The following TCN2 variants were observed in gnomAD, a reference collection of about 807,000 sequenced individuals.
The protein encoded by TCN2 is transcobalamin-2.
Under a neutral mutation model 48.6 loss-of-function variants are expected in TCN2, and 34 were observed. The ratio of observed to expected loss-of-function variants is 0.70; its 90% CI spans 0.53 to 0.93. The LOEUF is 0.93. TCN2 is among the 40% of genes least tolerant of loss of function. The pLI is 0.00. For synonymous variants in TCN2, 283 were observed against 212.5 expected, an observed-to-expected ratio of 1.33 and a Z score of -2.89; for missense variants, 652 against 526.1, an observed-to-expected ratio of 1.24 and a Z score of -2.34.
intron 1 of TCN2, chr22:30,610,465 C>T (rs1347227300): frequency 1.6e-5 from 6 of 372,650 alleles, no homozygotes; most frequent in East Asian, 7.1e-5. Context: ...AGACATGACA[C>T]GACTTTGAAC....
At position 30,607,179 on chromosome 22, in the gene TCN2, C is replaced by A; in HGVS notation, c.-153C>A. On this transcript the variant is annotated 5_prime_UTR_variant, in exon 1 of 9. Transcript: ENST00000215838. Reference sequence around the variant, plus strand: ...TTCCCCCGCCCCACCCCTCTGCAGACTTAGCCGTGCATTGCAGGCATGGAG... The same window carrying A: ...TTCCCCCGCCCCACCCCTCTGCAGAATTAGCCGTGCATTGCAGGCATGGAG... 3 of 835,548 alleles carry A rather than the reference C, an allele frequency of 3.6e-6. No homozygotes were observed. Among genetic ancestry groups the A allele is most frequent in the Non-Finnish European group, 6.0e-6 (3 of 499,494 alleles). 51.8% of individuals were successfully genotyped at this position (835,548 alleles called of 1,614,324 possible). A position where few individuals can be genotyped will look rare whatever the true frequency, so the allele number is the denominator to read the frequency against.
rs1329011667 is a variant in TCN2, at chr22:30,626,778, T to A, written c.*257T>A. ...CCAGCCTGGCCCTGCAGGTCTCCCA[T>A]GAAGGCCACCCCATGGTCTGATGGG... On this transcript the variant is annotated 3_prime_UTR_variant, in exon 9 of 9. Transcript: ENST00000215838. 1 of 583,410 alleles carries A rather than the reference T, an allele frequency of 1.7e-6. No individual in the cohort carries two copies. The highest frequency in any genetic ancestry group is 2.9e-5 in the East Asian group (1 of 34,780). The allele number at this position is 583,410 out of a possible 1,614,324, so 36.1% of individuals were successfully genotyped here.
chr22:30,611,252 C>A (rs567736598), intron 2 of TCN2, 189 bp downstream of exon 2: 2 of 699,518 alleles, frequency 2.9e-6, no homozygotes, highest in Admixed American at 4.5e-5. Context: ...GATGCTAATG[C>A]AAGGCTCCTT....
intron 3 of TCN2, among the ~76,000 whole-genome samples, chr22:30,613,342 C>T (rs1471540308): frequency 1.3e-5 from 2 of 152,086 alleles, no homozygotes; most frequent in South Asian, 2.1e-4. Context: ...TACAATGGCG[C>T]AATCTCAGCT....
At position 30,617,312 on chromosome 22, in the gene TCN2, CCTTT is replaced by C; in HGVS notation, c.941-14_941-11del. On this transcript the variant is annotated splice_polypyrimidine_tract_variant and intron_variant, in intron 6 of 8. Transcript: ENST00000215838. ...TCTGTCCTCACACCAGCTGCCCGCC[CCTTT>C]CTTCCTGGCACAGTCATGTTGGAAC... The C allele has an allele frequency of 6.2e-7, 1 of 1,614,110 alleles. No individual in the cohort carries two copies. Among genetic ancestry groups the C allele is most frequent in the Non-Finnish European group, 8.5e-7 (1 of 1,180,002 alleles).
chr22:30,607,421 C>T (rs1602039358), intron 1 of TCN2, 26 bp downstream of exon 1: 1 of 1,613,534 alleles, frequency 6.2e-7, no homozygotes, highest in East Asian at 2.2e-5. Context: ...CTATCCTGTG[C>T]CTCTTTCCTC....
chr22:30,610,135 CA>C (rs1422878352), intron 1 of TCN2: 1 of 460,854 alleles, frequency 2.2e-6, no homozygotes, highest in African/African-American at 2.0e-5. Flanking sequence ...TTTCGTTGCA[CA>C]GCTTCGAATA....
chr22:30,623,089 T>A lies in TCN2; in HGVS notation c.1222+6T>A. On this transcript the variant is annotated splice_donor_region_variant and intron_variant, in intron 8 of 8. Coordinates refer to ENST00000215838, the MANE Select transcript of TCN2 (RefSeq NM_000355.4). ...CAACACCCCACTGTTGCAAGGTGAG[T>A]CATGGCCTGACACTCTGGATGTGTC... 2 of 1,613,234 alleles carry A rather than the reference T, an allele frequency of 1.2e-6. No homozygotes were observed. Among genetic ancestry groups the A allele is most frequent in the Non-Finnish European group, 1.7e-6 (2 of 1,179,734 alleles).
intron 1 of TCN2, among the ~76,000 whole-genome samples, chr22:30,610,033 C>T (rs561396402): frequency 2.6e-5 from 4 of 152,316 alleles, no homozygotes; most frequent in South Asian, 4.1e-4. Context: ...TGCAAGGTTA[C>T]CTCCGAGGCA....
At chr22:30,617,213 G>C in intron 6 of TCN2, 117 bp from the exon 7 acceptor site, 1 of 1,396,054 alleles carries the variant, frequency 7.2e-7, no homozygotes, top group East Asian at 2.4e-5. Context: ...TGGCATTGAT[G>C]GAGATGAGGA....
Position 30,611,751 on chromosome 22 carries a change from G to T in TCN2, c.257+688G>T, listed in dbSNP as rs1279479552. 2.6e-5 allele frequency among the ~76,000 whole-genome samples: 4 copies of T among 152,164 alleles called. No individual in the cohort carries two copies. In the East Asian group the frequency reaches 7.7e-4, roughly 29 times the overall value. On this transcript the variant is annotated intron_variant, in intron 2 of 8. Coordinates refer to ENST00000215838, the MANE Select transcript of TCN2 (RefSeq NM_000355.4). Reference sequence around the variant, plus strand: ...TTGAACTCCTGACCTCAGGTGATCCGCCTGTCTTGGCTTCCCAAAGTGTTG... The same window carrying T: ...TTGAACTCCTGACCTCAGGTGATCCTCCTGTCTTGGCTTCCCAAAGTGTTG...
chr22:30,615,559 T>A, intron 5 of TCN2, 42 bp from the exon 6 acceptor site: 1 of 1,613,958 alleles, frequency 6.2e-7, no homozygotes, highest in Non-Finnish European at 8.5e-7. Context: ...AGCCCCTCCC[T>A]GCCGGCTGAC....
In TCN2 at chr22:30,611,054, G is replaced by A. The variant is rs768090763; in HGVS notation, c.248G>A (p.Cys83Tyr). 4.3e-6 allele frequency: 7 copies of A among 1,613,982 alleles called. No homozygotes were observed. The East Asian group carries it at 1.3e-4, about 31-fold the overall frequency. ...LHSLKLGYQQCLLGSAFSEDD... is the reference protein window; with the variant it reads ...LHSLKLGYQQYLLGSAFSEDD... The stretch of plus-strand genomic sequence containing the variant: ...AGCCTCAAGCTTGGTTACCAGCAGT[G>A]CCTCCTAGGGTATTGCCACACTCTC... Residue 83 changes from cysteine (C) to tyrosine (Y), a missense_variant, in exon 2 of 9, where the codon TGC becomes TAC. Physicochemically the swap from Cys to Tyr is radical, Grantham distance 194. Transcript: ENST00000215838.
chr22:30,607,201 G>A lies in TCN2; in HGVS notation c.-131G>A, dbSNP rs566073964. ...AGACTTAGCCGTGCATTGCAGGCAT[G>A]GAGGATTAATCAGTGACAGGAAGCT... On this transcript the variant is annotated 5_prime_UTR_variant, in exon 1 of 9. An upstream start codon of the reference 5' UTR is lost. Coordinates refer to ENST00000215838, the MANE Select transcript of TCN2 (RefSeq NM_000355.4). 2.9e-5 allele frequency: 29 copies of A among 995,130 alleles called. No individual in the cohort carries two copies. In the East Asian group the frequency reaches 5.6e-4, roughly 19 times the overall value. 61.6% of individuals were successfully genotyped at this position (995,130 alleles called of 1,614,324 possible). A position where few individuals can be genotyped will look rare whatever the true frequency, so the allele number is the denominator to read the frequency against.
intron 4 of TCN2, 120 bp downstream of exon 4, chr22:30,614,621 G>A: frequency 7.0e-7 from 1 of 1,430,920 alleles, no homozygotes; most frequent in Non-Finnish European, 9.6e-7. Flanking sequence ...TCCGAATCAA[G>A]TCCTTTAGGG....
At chr22:30,615,166 ATC>A in intron 4 of TCN2, 133 bp from the exon 5 acceptor site, 1 of 891,214 alleles carries the variant, frequency 1.1e-6, no homozygotes, top group East Asian at 2.6e-5. Context: ...CCCTTAGCTG[ATC>A]TGACCATGTT....
At chr22:30,611,190 G>A (rs2087535406) in intron 2 of TCN2, 127 bp downstream of exon 2, 3 of 1,139,872 alleles carry the variant, frequency 2.6e-6, no homozygotes, top group South Asian at 1.3e-5. Flanking sequence ...TCTATAGAAT[G>A]GAGGACCTTT....
chr22:30,616,347 G>T (rs1054670307), intron 6 of TCN2, among the ~76,000 whole-genome samples: 1 of 152,064 alleles, frequency 6.6e-6, no homozygotes, highest in Non-Finnish European at 1.5e-5. Context: ...GCTGGGTGTG[G>T]TGGCGAGTGC....
At chr22:30,613,273 GTTTT>G (rs1226631634) in intron 3 of TCN2, among the ~76,000 whole-genome samples, 1 of 151,930 alleles carries the variant, frequency 6.6e-6, no homozygotes, top group Non-Finnish European at 1.5e-5. Context: ...GTGGTTTTTT[GTTTT>G]TTGTTTGTTT....
Sources: allele counts gnomAD v4.1 joint callset (sites outside exome capture counted in the v4.1 genomes callset), GRCh38; gene constraint gnomAD v4.1.1; transcripts MANE v1.5; gene names NCBI Gene and HGNC (gene_info 2026-07-23, HGNC 2026-07-21).